Variants in LHX4 observed in about 807,000 individuals in gnomAD.
LHX4 encodes the protein LIM/homeobox protein Lhx4.
In LHX4, 16 loss-of-function variants were observed where a neutral mutation model predicts 39.2. That is an observed-to-expected ratio of 0.41 (90% CI 0.28 to 0.62). The LOEUF (loss-of-function observed/expected upper bound fraction) is 0.62, where lower values mean the gene tolerates loss of function less well. Among genes scored for constraint, LHX4 ranks in the 20% least tolerant of loss-of-function variants. The pLI is 0.33. For missense variants in LHX4, 439 were observed against 511.9 expected (o/e 0.86, Z 1.37); for synonymous variants, 206 against 198.1 (o/e 1.04, Z -0.33).
chr1:180,266,681 C>T lies in LHX4; in HGVS notation c.451+87C>T, dbSNP rs1571283704. On this transcript the variant is annotated intron_variant, in intron 3 of 5. Coordinates refer to ENST00000263726, the MANE Select transcript of LHX4 (RefSeq NM_033343.4). The surrounding 1 kb of genome is among the most constrained non-coding windows in gnomAD (Gnocchi z 5.7). Reference sequence around the variant, plus strand: ...CTGAGGTGCCCTTCTCATGGCGTCCCACCTGCCCATCCCTCAGAGCCCTAC... The same window carrying T: ...CTGAGGTGCCCTTCTCATGGCGTCCTACCTGCCCATCCCTCAGAGCCCTAC... 1 of 1,304,318 alleles carries T rather than the reference C, an allele frequency of 7.7e-7. No individual in the cohort carries two copies. Among genetic ancestry groups the T allele is most frequent in the East Asian group, 2.5e-5 (1 of 40,124 alleles). 80.8% of individuals were successfully genotyped at this position (1,304,318 alleles called of 1,614,324 possible).
intron 2 of LHX4, among the ~76,000 whole-genome samples, chr1:180,255,888 T>C (rs888264612): frequency 6.6e-6 from 1 of 152,236 alleles, no homozygotes; most frequent in African/African-American, 2.4e-5. Flanking sequence ...CAAATTAGTC[T>C]GGGGATCAGA....
At chr1:180,251,397 G>A (rs143169734) in intron 2 of LHX4, among the ~76,000 whole-genome samples, 15 of 152,314 alleles carry the variant, frequency 9.8e-5, no homozygotes, top group Non-Finnish European at 7.3e-5. Flanking sequence ...CCAGCTCCGC[G>A]GCAGACAGGA....
chr1:180,264,361 G>A (rs891795899), intron 2 of LHX4, among the ~76,000 whole-genome samples: 6 of 117,598 alleles, frequency 5.1e-5, no homozygotes, highest in Non-Finnish European at 1.1e-4. Context: ...TCCTTTCTCT[G>A]TTATACACAC....
chr1:180,246,952 A>G (rs935128502), intron 1 of LHX4, among the ~76,000 whole-genome samples: 1 of 152,196 alleles, frequency 6.6e-6, no homozygotes, highest in African/African-American at 2.4e-5. Flanking sequence ...GGTGTCTTTT[A>G]TAATAGGGGT....
rs146749647 is a variant in LHX4, at chr1:180,253,896, CAGTT to C, written c.248+5444_248+5447del. Reference sequence around the variant, plus strand: ...TGACTCTTAACTGCCTGGAGCTCCTCAGTTAGTGGGGGGTTAGCCTGGCAGAACG... The same window carrying C: ...TGACTCTTAACTGCCTGGAGCTCCTCAGTGGGGGGTTAGCCTGGCAGAACG... On this transcript the variant is annotated intron_variant, in intron 2 of 5. Coordinates refer to ENST00000263726, the MANE Select transcript of LHX4 (RefSeq NM_033343.4). Among the ~76,000 whole-genome samples, 239 of 152,254 alleles carry C rather than the reference CAGTT, an allele frequency of 1.6e-3. 1 individual carries two copies. The highest frequency in any genetic ancestry group is 5.5e-3 in the African/African-American group (228 of 41,544).
chr1:180,256,645 G>A (rs1035183408), intron 2 of LHX4, among the ~76,000 whole-genome samples: 1 of 152,230 alleles, frequency 6.6e-6, no homozygotes, highest in African/African-American at 2.4e-5. Context: ...ATTTCTGTAG[G>A]AGTGGTCTGT....
chr1:180,242,052 C>G (rs1390620200), intron 1 of LHX4, among the ~76,000 whole-genome samples: 6 of 151,842 alleles, frequency 4.0e-5, no homozygotes, highest in African/African-American at 1.5e-4. Context: ...ATTTTTGAGC[C>G]CTTTCCAAAA....
chr1:180,230,499 T>G lies in LHX4; in HGVS notation c.-31T>G. 6.3e-7 allele frequency: 1 copy of G among 1,589,866 alleles called. No homozygotes were observed. Among genetic ancestry groups the G allele is most frequent in the Non-Finnish European group, 8.6e-7 (1 of 1,158,942 alleles). On this transcript the variant is annotated 5_prime_UTR_variant, in exon 1 of 6. Coordinates refer to ENST00000263726, the MANE Select transcript of LHX4 (RefSeq NM_033343.4). The surrounding 1 kb of genome is among the most constrained non-coding windows in gnomAD (Gnocchi z 5.8). ...AGAGCGAGAGAGCGAGAGATCTCCGTAGACTGCGACTCGCTGGCTTTCGCT... is the reference window on the plus strand; with the variant it reads ...AGAGCGAGAGAGCGAGAGATCTCCGGAGACTGCGACTCGCTGGCTTTCGCT...
chr1:180,229,098 T>C (rs1165785143), upstream of LHX4, among the ~76,000 whole-genome samples: 2 of 152,128 alleles, frequency 1.3e-5, no homozygotes, highest in Non-Finnish European at 2.9e-5. Flanking sequence ...GAAACTCGCG[T>C]TGAGGAGAAT....
intron 1 of LHX4, among the ~76,000 whole-genome samples, chr1:180,237,420 A>G (rs1664350585): frequency 6.6e-6 from 1 of 152,148 alleles, no homozygotes; most frequent in Non-Finnish European, 1.5e-5. Flanking sequence ...TTAGTCCTCA[A>G]TTTTATAGGA....
At chr1:180,235,634 T>C (rs536406674) in intron 1 of LHX4, among the ~76,000 whole-genome samples, 1 of 152,296 alleles carries the variant, frequency 6.6e-6, no homozygotes. Context: ...CCCCACTCGG[T>C]TCCGCAGCTT....
In LHX4 at chr1:180,234,783, T is replaced by G. The variant is rs1193892984; in HGVS notation, c.76+4178T>G. On this transcript the variant is annotated intron_variant, in intron 1 of 5. Transcript: ENST00000263726. This position sits in a 1 kb window ranked among gnomAD's most constrained non-coding sequence, Gnocchi z 4.8. ...AGTTTATTTCCTCTCTTGGCCGAGG[T>G]CCGGGCTCGTGGAAAACCAGAGCTA... 6.6e-6 allele frequency among the ~76,000 whole-genome samples: 1 copy of G among 152,176 alleles called. No homozygotes were observed. The highest frequency in any genetic ancestry group is 1.5e-5 in the Non-Finnish European group (1 of 68,018).
intron 5 of LHX4, chr1:180,272,957 T>C (rs2764450): frequency 0.96 from 146,101 of 152,328 alleles, 70,143 homozygotes; most frequent in East Asian, 0.99. Context: ...CCTGGTCATT[T>C]GGGATGACAG....
At chr1:180,235,662 G>C (rs1289430583) in intron 1 of LHX4, among the ~76,000 whole-genome samples, 1 of 152,170 alleles carries the variant, frequency 6.6e-6, no homozygotes, top group Non-Finnish European at 1.5e-5. Flanking sequence ...CTTGACGAGC[G>C]CTGGAAACGT....
At chr1:180,254,890 AG>A (rs895939561) in intron 2 of LHX4, among the ~76,000 whole-genome samples, 5 of 152,118 alleles carry the variant, frequency 3.3e-5, no homozygotes, top group South Asian at 2.1e-4. Context: ...TGCCCCACAT[AG>A]GGAGGAGGAA....
chr1:180,241,655 T>C (rs1026353119), intron 1 of LHX4, among the ~76,000 whole-genome samples: 10 of 152,208 alleles, frequency 6.6e-5, no homozygotes, highest in African/African-American at 2.4e-4. Flanking sequence ...AGGGTGGAAT[T>C]AGGATCTGAG....
At chr1:180,238,228 C>T (rs1050234599) in intron 1 of LHX4, among the ~76,000 whole-genome samples, 9 of 151,984 alleles carry the variant, frequency 5.9e-5, no homozygotes, top group South Asian at 2.1e-4. Flanking sequence ...TTGACTAAGC[C>T]GAAAAAGAAC....
intron 1 of LHX4, among the ~76,000 whole-genome samples, chr1:180,233,814 C>G (rs533928400): frequency 2.6e-5 from 4 of 152,216 alleles, no homozygotes; most frequent in African/African-American, 9.6e-5. Context: ...GCCTGGGGGT[C>G]TCTGTCCCCC....
chr1:180,269,119 T>C (rs1465740610), intron 3 of LHX4, among the ~76,000 whole-genome samples: 1 of 126,198 alleles, frequency 7.9e-6, no homozygotes, highest in Admixed American at 8.7e-5. Context: ...AATTTTCCTG[T>C]AGGAATTAAT....
Sources: gnomAD v4.1 joint callset for allele counts (sites outside exome capture counted in the v4.1 genomes callset) on GRCh38, gnomAD v4.1.1 for gene constraint, Gnocchi (gnomAD v3.1) non-coding constraint, MANE v1.5 for transcripts, NCBI Gene and HGNC (gene_info 2026-07-23, HGNC 2026-07-21) for gene names.